COPG1: variants seen among roughly 807,000 people sequenced by gnomAD.
The protein encoded by COPG1 is coat protein complex I subunit gamma 1.
COPG1 carries 29 observed loss-of-function variants against 102.8 expected under a neutral mutation model. The ratio of observed to expected loss-of-function variants is 0.28; its 90% CI spans 0.21 to 0.38. The LOEUF is 0.38. Ranked by LOEUF, COPG1 falls within the 10% of genes least tolerant of loss-of-function variation. COPG1 has a pLI of 1.00. For synonymous variants in COPG1, 406 were observed against 421.6 expected (o/e 0.96, Z 0.45); for missense variants, 875 against 1,132.7 (o/e 0.77, Z 3.27).
chr3:129,255,167 G>T, intron 7 of COPG1, 90 bp downstream of exon 7: 5 of 812,810 alleles, frequency 6.2e-6, no homozygotes, highest in East Asian at 2.6e-5. Context: ...AAAAGAAAGT[G>T]TTTCTTTCTT....
At position 129,267,979 on chromosome 3, in the gene COPG1, C is replaced by T; in HGVS notation, c.1587C>T (p.Thr529=). The T allele has an allele frequency of 6.2e-7, 1 of 1,614,154 alleles. No individual in the cohort carries two copies. Among genetic ancestry groups the T allele is most frequent in the Non-Finnish European group, 8.5e-7 (1 of 1,180,018 alleles). ...DDDNEVRDRA[T]FYLNVLEQKQ... is the part of the protein sequence containing the mutation. ...ACAATGAAGTAAGGGACCGAGCCAC[C>T]TTCTACCTAAATGTCCTGGAGCAGA... Residue 529 remains threonine, a synonymous_variant, in exon 16 of 24, where the codon ACC becomes ACT. Coordinates refer to ENST00000314797, the MANE Select transcript of COPG1 (RefSeq NM_016128.4).
At chr3:129,264,502 C>G (rs1247071050) in intron 13 of COPG1, among the ~76,000 whole-genome samples, 1 of 152,212 alleles carries the variant, frequency 6.6e-6, no homozygotes, top group African/African-American at 2.4e-5. Flanking sequence ...CATGGTACCC[C>G]TTTCACCCAG....
At position 129,252,878 on chromosome 3, in the gene COPG1, C is replaced by T. The variant is rs371987535; in HGVS notation, c.246C>T (p.Pro82=). ...AMTKLFQSND[P]TLRRMCYLTI... is the part of the protein sequence containing the mutation. ...GGCTTTTCCCACCTATCTCCCAGCC[C>T]ACACTCCGTCGGATGTGCTACTTGA... Residue 82 remains proline (P), a splice_region_variant and synonymous_variant, in exon 5 of 24, where the codon CCC becomes CCT. Transcript: ENST00000314797. 1.4e-5 allele frequency: 22 copies of T among 1,614,082 alleles called. No homozygotes were observed. The highest frequency in any genetic ancestry group is 1.3e-4 in the African/African-American group (10 of 75,040).
At chr3:129,251,009 C>G (rs1481209245) in intron 2 of COPG1, 1 of 326,046 alleles carries the variant, frequency 3.1e-6, no homozygotes, top group African/African-American at 2.2e-5. Flanking sequence ...CTGCAAGCTC[C>G]GCCTTCCAGG....
intron 3 of COPG1, 58 bp downstream of exon 3, chr3:129,252,419 G>A: frequency 7.9e-7 from 1 of 1,258,390 alleles, no homozygotes. Context: ...GAGGGGAGTG[G>A]ACAAATCATG....
intron 10 of COPG1, among the ~76,000 whole-genome samples, chr3:129,259,322 G>A (rs1394352775): frequency 1.3e-5 from 2 of 152,002 alleles, no homozygotes; most frequent in East Asian, 1.9e-4. Flanking sequence ...TTAGCCGGGC[G>A]TGGTGGTGCG....
Position 129,249,825 on chromosome 3 carries a change from C to T in COPG1, c.37+79C>T, listed in dbSNP as rs528936813. ...TTCCTTCTGGTTCTCTGTCCTGACC[C>T]GGAGGCTGAGGCCCAGTGAGGGGCA... On this transcript the variant is annotated intron_variant, in intron 1 of 23. Coordinates refer to ENST00000314797, the MANE Select transcript of COPG1 (RefSeq NM_016128.4). 9.3e-4 allele frequency: 1,376 copies of T among 1,474,418 alleles called. 2 individuals are homozygous for T. Among genetic ancestry groups the T allele is most frequent in the Admixed American group, 1.8e-3 (88 of 48,428 alleles). 91.3% of individuals were successfully genotyped at this position (1,474,418 alleles called of 1,614,324 possible). A position where few individuals can be genotyped will look rare whatever the true frequency, so the allele number is the denominator to read the frequency against.
At chr3:129,260,238 C>G in intron 10 of COPG1, 95 bp from the exon 11 acceptor site, 1 of 1,134,614 alleles carries the variant, frequency 8.8e-7, no homozygotes, top group Non-Finnish European at 1.3e-6. Context: ...GGGAAATGAG[C>G]TGAGCAGAGG....
At position 129,265,569 on chromosome 3, in the gene COPG1, C is replaced by T. The variant is rs146576066; in HGVS notation, c.1245C>T (p.Arg415=). The T allele has an allele frequency of 1.5e-4, 235 of 1,614,066 alleles. 1 individual carries two copies. Among genetic ancestry groups the T allele is most frequent in the Non-Finnish European group, 1.6e-4 (185 of 1,180,024 alleles). ...LREEGGFEYK[R]AIVDCIISII... Reference sequence around the variant, plus strand: ...TGCAGGGTGGCTTTGAGTATAAGCGCGCTATCGTGGACTGCATCATCAGCA... The same window carrying T: ...TGCAGGGTGGCTTTGAGTATAAGCGTGCTATCGTGGACTGCATCATCAGCA... The change falls in exon 14 of 24, where the codon CGC becomes CGT. Residue 415 remains arginine, a synonymous_variant. Transcript: ENST00000314797.
In COPG1 at chr3:129,274,954, G is replaced by A; in HGVS notation, c.2373G>A (p.Leu791=). ...DEFEKEETFT[L]STIKTLEEAV... ...TTGAGAAGGAGGAAACGTTCACCTT[G>A]TCTACCATCAAGACACTTGAAGGTA... Residue 791 remains leucine (L), a synonymous_variant, in exon 22 of 24, where the codon TTG becomes TTA. Coordinates refer to ENST00000314797, the MANE Select transcript of COPG1 (RefSeq NM_016128.4). 1 of 1,614,172 alleles carries A rather than the reference G, an allele frequency of 6.2e-7. No homozygotes were observed. The highest frequency in any genetic ancestry group is 8.5e-7 in the Non-Finnish European group (1 of 1,180,000).
chr3:129,272,097 C>A (rs761884507), intron 19 of COPG1, 147 bp from the exon 20 acceptor site: 3 of 997,936 alleles, frequency 3.0e-6, no homozygotes, highest in Non-Finnish European at 4.4e-6. Context: ...TCCCGATTGT[C>A]AGCATGAAGA....
intron 10 of COPG1, among the ~76,000 whole-genome samples, chr3:129,259,827 A>G (rs1939889820): frequency 6.6e-6 from 1 of 152,334 alleles, no homozygotes; most frequent in South Asian, 2.1e-4. Context: ...GTTCTTCAGC[A>G]CTTGGTGCCA....
Position 129,277,578 on chromosome 3 carries a change from C to A in COPG1, c.*154C>A. ...TTTTTTTTATTCTGCTCCCACCTCCCACCCGGGACTACTTGCTGGTGACTT... is the reference window on the plus strand; with the variant it reads ...TTTTTTTTATTCTGCTCCCACCTCCAACCCGGGACTACTTGCTGGTGACTT... On this transcript the variant is annotated 3_prime_UTR_variant, in exon 24 of 24. Coordinates refer to ENST00000314797, the MANE Select transcript of COPG1 (RefSeq NM_016128.4). The A allele has an allele frequency of 1.5e-6, 1 of 682,348 alleles. No homozygotes were observed. The highest frequency in any genetic ancestry group is 2.3e-6 in the Non-Finnish European group (1 of 429,790). 42.3% of individuals were successfully genotyped at this position (682,348 alleles called of 1,614,324 possible). A position where few individuals can be genotyped will look rare whatever the true frequency, so the allele number is the denominator to read the frequency against.
At chr3:129,255,106 G>A in intron 7 of COPG1, 29 bp downstream of exon 7, 1 of 1,481,120 alleles carries the variant, frequency 6.8e-7, no homozygotes, top group Non-Finnish European at 9.4e-7. Flanking sequence ...AGCCCTGCTG[G>A]GGGTGGGGTA....
rs1489184075 is a variant in COPG1, at chr3:129,277,402, T to C, written c.2603T>C (p.Ile868Thr). 3 of 1,613,880 alleles carry C rather than the reference T, an allele frequency of 1.9e-6. No homozygotes were observed. Among genetic ancestry groups the C allele is most frequent in the African/African-American group, 2.7e-5 (2 of 74,976 alleles). The change falls in exon 24 of 24, where the codon ATC becomes ACC. Residue 868 changes from isoleucine (I) to threonine (T), a missense_variant. Transcript: ENST00000314797. ...ARSLEELPVD[I>T]ILASVG Reference sequence around the variant, plus strand: ...AGTTTGGAGGAGCTGCCAGTAGACATCATCTTGGCATCTGTGGGATAAGAG... The same window carrying C: ...AGTTTGGAGGAGCTGCCAGTAGACACCATCTTGGCATCTGTGGGATAAGAG...
intron 5 of COPG1, 133 bp from the exon 6 acceptor site, chr3:129,254,535 G>A (rs1465750695): frequency 1.6e-6 from 1 of 608,134 alleles, no homozygotes; most frequent in Non-Finnish European, 2.9e-6. Flanking sequence ...GTTAGGCTTG[G>A]AGGGGCAGGA....
At chr3:129,255,178 T>TA in intron 7 of COPG1, 101 bp downstream of exon 7, 2 of 762,812 alleles carry the variant, frequency 2.6e-6, no homozygotes, top group South Asian at 1.8e-5. Context: ...TTTCTTTCTT[T>TA]CTTTTTTTTT....
At chr3:129,266,974 G>A in intron 14 of COPG1, 50 bp from the exon 15 acceptor site, 1 of 1,528,564 alleles carries the variant, frequency 6.5e-7, no homozygotes. Flanking sequence ...TGCCCAAACA[G>A]TGAGTTGTCA....
chr3:129,276,606 G>C (rs1940272879), intron 23 of COPG1, among the ~76,000 whole-genome samples: 1 of 152,152 alleles, frequency 6.6e-6, no homozygotes, highest in Non-Finnish European at 1.5e-5. Flanking sequence ...AGTCCCCTGG[G>C]TCTTGCAGAC....
Sources: allele counts gnomAD v4.1 joint callset (sites outside exome capture counted in the v4.1 genomes callset), GRCh38; gene constraint gnomAD v4.1.1; transcripts MANE v1.5; gene names NCBI Gene and HGNC (gene_info 2026-07-23, HGNC 2026-07-21).